SDC3: variants seen among roughly 807,000 people sequenced by gnomAD.
The protein encoded by SDC3 is syndecan 3.
A neutral mutation model predicts 24.4 loss-of-function variants in SDC3; 13 were observed. The ratio of observed to expected loss-of-function variants is 0.53; its 90% CI spans 0.35 to 0.85. The LOEUF is 0.85. Among genes scored for constraint, SDC3 ranks in the 40% least tolerant of loss-of-function variants. The pLI is 0.01. For missense variants in SDC3, 571 were observed against 584.5 expected (o/e 0.98, Z 0.24); for synonymous variants, 295 against 260.9 (o/e 1.13, Z -1.26).
At chr1:30,884,876 T>C (rs1639805838) in intron 1 of SDC3, among the ~76,000 whole-genome samples, 2 of 152,156 alleles carry the variant, frequency 1.3e-5, no homozygotes, top group Non-Finnish European at 2.9e-5. Flanking sequence ...ACGAGTTAAA[T>C]AAATGAGGGT....
chr1:30,873,383 G>A lies in SDC3; in HGVS notation c.1163-6C>T, dbSNP rs1431400481. ...CACCCCGCCCACAATCACAGCTGTGGAAGAAGAGGGCACAGGTCAAGGCCC... is the reference window on the plus strand; with the variant it reads ...CACCCCGCCCACAATCACAGCTGTGAAAGAAGAGGGCACAGGTCAAGGCCC... On this transcript the variant is annotated splice_region_variant and splice_polypyrimidine_tract_variant and intron_variant, in intron 4 of 4. Transcript: ENST00000339394. 2 of 1,612,614 alleles carry A rather than the reference G, an allele frequency of 1.2e-6. No homozygotes were observed. The highest frequency in any genetic ancestry group is 2.7e-5 in the African/African-American group (2 of 74,878).
intron 1 of SDC3, among the ~76,000 whole-genome samples, chr1:30,899,561 G>A (rs1452613422): frequency 6.6e-6 from 1 of 152,076 alleles, no homozygotes; most frequent in Non-Finnish European, 1.5e-5. Context: ...TAGTAGAGAT[G>A]GAGTTTCACC....
chr1:30,877,028 C>T lies in SDC3; in HGVS notation c.394G>A (p.Glu132Lys), dbSNP rs1435419163. Residue 132 changes from glutamate to lysine, a missense_variant, in exon 3 of 5, where the codon GAG (glutamate) becomes AAG (lysine). Physicochemically the swap from Glu to Lys is moderately conservative, Grantham distance 56 (BLOSUM62 1). Transcript: ENST00000339394. ...GTGGCTGGCTCCAGGGTGGGGCGCT[C>T]AGAGGGGAGCTCTTCAAATGGTGTG... ...VGTPFEELPSERPTLEPATSP... is the reference protein window; with the variant it reads ...VGTPFEELPSKRPTLEPATSP... 6.2e-7 allele frequency: 1 copy of T among 1,613,728 alleles called. No homozygotes were observed. Among genetic ancestry groups the T allele is most frequent in the Admixed American group, 1.7e-5 (1 of 59,996 alleles).
intron 1 of SDC3, among the ~76,000 whole-genome samples, chr1:30,886,972 A>T (rs1445409293): frequency 1.3e-5 from 2 of 152,130 alleles, no homozygotes; most frequent in Non-Finnish European, 2.9e-5. Context: ...AACCCCAAAG[A>T]CCATGCCCTT....
chr1:30,885,339 T>C (rs1254238725), intron 1 of SDC3, among the ~76,000 whole-genome samples: 1 of 152,236 alleles, frequency 6.6e-6, no homozygotes, highest in Non-Finnish European at 1.5e-5. Flanking sequence ...TCAAAGTGAA[T>C]TTCCAAATGC....
At position 30,876,817 on chromosome 1, in the gene SDC3, A is replaced by G. The variant is rs756886254; in HGVS notation, c.605T>C (p.Val202Ala). 1 of 1,609,530 alleles carries G rather than the reference A, an allele frequency of 6.2e-7. No homozygotes were observed. Among genetic ancestry groups the G allele is most frequent in the East Asian group, 2.2e-5 (1 of 44,830 alleles). ...AAPPFTATTA[V>A]IRTTGVRRLL... ...CCTCCGTACGCCAGTGGTCCTTATA[A>G]CAGCAGTGGTGGCCGTAAAAGGGGG... The change falls in exon 3 of 5, where the codon GTT (valine) becomes GCT (alanine). Residue 202 changes from valine to alanine, a missense_variant. By Grantham distance (64) the Val-to-Ala change is moderately conservative. Transcript: ENST00000339394.
intron 1 of SDC3, among the ~76,000 whole-genome samples, chr1:30,905,871 AAC>A (rs71813597): frequency 0.23 from 33,601 of 148,306 alleles, 4,212 homozygotes; most frequent in East Asian, 0.59. Flanking sequence ...CAGACACACA[AAC>A]ACACACACAC....
rs751163778 is a variant in SDC3, at chr1:30,878,683, C to T, written c.196G>A (p.Asp66Asn). ...ERPVDLEGSG[D>N]DDSFPDDELD... ...TCATCATCGGGAAAGGAGTCATCAT[C>T]CCCAGAGCCCTCCAGGTCCACGGGT... The change falls in exon 2 of 5, where the codon GAT (aspartate) becomes AAT (asparagine). Residue 66 changes from aspartate (D) to asparagine (N), a missense_variant. By Grantham distance (23) the Asp-to-Asn change is conservative. Coordinates refer to ENST00000339394, the MANE Select transcript of SDC3 (RefSeq NM_014654.4). 1 of 1,614,184 alleles carries T rather than the reference C, an allele frequency of 6.2e-7. No homozygotes were observed. The highest frequency in any genetic ancestry group is 1.6e-4 in the Middle Eastern group (1 of 6,062).
chr1:30,890,198 T>C (rs1254855996), intron 1 of SDC3, among the ~76,000 whole-genome samples: 1 of 152,118 alleles, frequency 6.6e-6, no homozygotes, highest in African/African-American at 2.4e-5. Context: ...TAGTCCCAGC[T>C]ATTTGGGAGG....
intron 1 of SDC3, among the ~76,000 whole-genome samples, chr1:30,885,401 G>T (rs2124323749): frequency 6.6e-6 from 1 of 152,290 alleles, no homozygotes; most frequent in East Asian, 1.9e-4. Context: ...TGGGATTACA[G>T]GCAGCTTTAA....
At chr1:30,894,255 A>G (rs887955030) in intron 1 of SDC3, among the ~76,000 whole-genome samples, 9 of 133,278 alleles carry the variant, frequency 6.8e-5, no homozygotes, top group African/African-American at 2.1e-4. Flanking sequence ...GTGGATGAGT[A>G]TGTGTGTGTG....
Position 30,876,718 on chromosome 1 carries a change from G to C in SDC3, c.704C>G (p.Thr235Arg). ...TTPEAPSPPT[T>R]AAVLDTEAPT... ...GGCCTCGGTGTCCAAGACAGCCGCC[G>C]TGGTGGGCGGGGAGGGCGCCTCGGG... is the stretch of plus-strand genomic sequence containing the variant. The change falls in exon 3 of 5, where the codon ACG becomes AGG. Residue 235 changes from threonine to arginine, a missense_variant. Thr to Arg is a moderately conservative substitution (Grantham distance 71). Around this residue, in one of 2 missense-constraint regions of SDC3, gnomAD observed 497 missense variants for 471.6 expected, o/e 1.05. Coordinates refer to ENST00000339394, the MANE Select transcript of SDC3 (RefSeq NM_014654.4). The C allele has an allele frequency of 1.3e-6, 2 of 1,596,236 alleles. No homozygotes were observed. Among genetic ancestry groups the C allele is most frequent in the East Asian group, 2.2e-5 (1 of 44,686 alleles).
At position 30,908,732 on chromosome 1, in the gene SDC3, G is replaced by GGCTCCGCCTCGCA. The variant is rs1638586691; in HGVS notation, c.-159_-147dup. On this transcript the variant is annotated 5_prime_UTR_variant, in exon 1 of 5. Coordinates refer to ENST00000339394, the MANE Select transcript of SDC3 (RefSeq NM_014654.4). Reference sequence around the variant, plus strand: ...TCGCGGGCTCCCGGCTCGGCCGCCCGGCTCCGCCTCGCAGCTCCGCGCCCA... The same window carrying GGCTCCGCCTCGCA: ...TCGCGGGCTCCCGGCTCGGCCGCCCGGCTCCGCCTCGCAGCTCCGCCTCGCAGCTCCGCGCCCA... The GGCTCCGCCTCGCA allele has an allele frequency of 1.1e-5, 2 of 180,310 alleles. No individual in the cohort carries two copies. Among genetic ancestry groups the GGCTCCGCCTCGCA allele is most frequent in the Non-Finnish European group, 2.0e-5 (2 of 99,758 alleles). 11.2% of individuals were successfully genotyped at this position (180,310 alleles called of 1,614,324 possible).
At chr1:30,882,511 A>G (rs570956822) in intron 1 of SDC3, among the ~76,000 whole-genome samples, 6 of 152,274 alleles carry the variant, frequency 3.9e-5, no homozygotes, top group African/African-American at 1.4e-4. Context: ...CCCCTGGGCC[A>G]GGGGCAAGGA....
intron 2 of SDC3, chr1:30,878,407 A>G (rs916293242): frequency 5.9e-6 from 3 of 511,328 alleles, no homozygotes; most frequent in East Asian, 6.2e-5. Flanking sequence ...AGACCTGGAC[A>G]TTCTGGGCCC....
intron 1 of SDC3, among the ~76,000 whole-genome samples, chr1:30,907,245 C>G (rs949238362): frequency 2.6e-5 from 4 of 152,190 alleles, no homozygotes; most frequent in African/African-American, 9.7e-5. Flanking sequence ...CCGCCTGAGC[C>G]AGAACCTGGA....
chr1:30,873,210 A>G lies in SDC3; in HGVS notation c.*1T>C, dbSNP rs3766284. ...GGCTGCAGGGAGGCACTGTGGCTCCACTAGGCATAGAACTCCTCCTGCTTG... is the reference window on the plus strand; with the variant it reads ...GGCTGCAGGGAGGCACTGTGGCTCCGCTAGGCATAGAACTCCTCCTGCTTG... On this transcript the variant is annotated 3_prime_UTR_variant, in exon 5 of 5. Coordinates refer to ENST00000339394, the MANE Select transcript of SDC3 (RefSeq NM_014654.4). The G allele has an allele frequency of 0.036, 58,478 of 1,611,732 alleles. 9,346 individuals are homozygous for G. The East Asian group carries it at 0.56, about 16-fold the overall frequency.
rs61778221 is a variant in SDC3, at chr1:30,878,500, C to T, written c.256+123G>A. On this transcript the variant is annotated intron_variant, in intron 2 of 4. Coordinates refer to ENST00000339394, the MANE Select transcript of SDC3 (RefSeq NM_014654.4). ...GGGGATCCAGAGCAAGAAGAACTTG[C>T]CTGACCCAGGCAGTGAATGCCCCCT... The T allele has an allele frequency of 1.8e-3, 1,333 of 728,752 alleles. 3 individuals carry two copies. Among genetic ancestry groups the T allele is most frequent in the Non-Finnish European group, 2.8e-3 (1,186 of 417,198 alleles). The allele number at this position is 728,752 out of a possible 1,614,324, so 45.1% of individuals were successfully genotyped here.
chr1:30,869,536 CAAAAAAAAAAAAA>C lies in SDC3; in HGVS notation c.*3662_*3674del, dbSNP rs11338317. 6.0e-5 allele frequency: 21 copies of C among 348,304 alleles called. No homozygotes were observed. The East Asian group carries it at 7.7e-4, about 13-fold the overall frequency. 21.6% of individuals were successfully genotyped at this position (348,304 alleles called of 1,614,324 possible). ...AGGAAGTGTTAAAAAAACAAACAAA[CAAAAAAAAAAAAA>C]AAAAAAAAAAAACAAAAACAAAACC... On this transcript the variant is annotated 3_prime_UTR_variant, in exon 5 of 5. Coordinates refer to ENST00000339394, the MANE Select transcript of SDC3 (RefSeq NM_014654.4).
Sources: gnomAD v4.1 joint callset for allele counts (sites outside exome capture counted in the v4.1 genomes callset) on GRCh38, gnomAD v4.1.1 for gene constraint, gnomAD v4.1.1 regional missense constraint, MANE v1.5 for transcripts, NCBI Gene and HGNC (gene_info 2026-07-23, HGNC 2026-07-21) for gene names.